The following ODAD1 variants were observed in gnomAD, a reference collection of about 807,000 sequenced individuals.
The protein encoded by ODAD1 is outer dynein arm-docking complex subunit 1.
Under a neutral mutation model 67.2 loss-of-function variants are expected in ODAD1, and 49 were observed. The observed-to-expected ratio is 0.73, with a 90% CI of 0.58 to 0.92. The LOEUF is 0.92. Ranked by LOEUF, ODAD1 falls within the 40% of genes least tolerant of loss-of-function variation. The pLI, the probability that ODAD1 is intolerant of heterozygous loss-of-function variation, is 0.00. For synonymous variants in ODAD1, 345 were observed against 393.7 expected, an observed-to-expected ratio of 0.88 and a Z score of 1.46; for missense variants, 897 against 953.7, an observed-to-expected ratio of 0.94 and a Z score of 0.78.
intron 7 of ODAD1, among the ~76,000 whole-genome samples, chr19:48,307,913 C>G (rs896338086): frequency 6.6e-6 from 1 of 151,722 alleles, no homozygotes; most frequent in Non-Finnish European, 1.5e-5. Flanking sequence ...AAATGGCCAA[C>G]CCCAGGGATG....
At position 48,303,432 on chromosome 19, in the gene ODAD1, G is replaced by A. The variant is rs959894235; in HGVS notation, c.988+218C>T. 8.2e-6 allele frequency: 5 copies of A among 611,004 alleles called. No individual in the cohort carries two copies. The Admixed American group carries it at 1.2e-4, about 14-fold the overall frequency. 37.8% of individuals were successfully genotyped at this position (611,004 alleles called of 1,614,324 possible). ...CAGGGTTGAGGGAAGGATGTGGAGA[G>A]TGACCCCAGGCCCAGGAGTTAGGAG... On this transcript the variant is annotated intron_variant, in intron 10 of 15. Coordinates refer to ENST00000674294, the MANE Select transcript of ODAD1 (RefSeq NM_001364171.2).
intron 7 of ODAD1, 32 bp downstream of exon 7, chr19:48,311,519 CCT>C (rs1968761998): frequency 7.8e-7 from 1 of 1,274,204 alleles, no homozygotes; most frequent in Non-Finnish European, 1.1e-6. Context: ...CGCAGGGGTC[CCT>C]GTCTCCTCCC....
chr19:48,316,989 C>T (rs533251431), intron 5 of ODAD1, among the ~76,000 whole-genome samples: 17 of 152,008 alleles, frequency 1.1e-4, no homozygotes, highest in Admixed American at 2.0e-4. Context: ...GGTGACAGAG[C>T]GAGACTTTGT....
chr19:48,312,066 G>T lies in ODAD1; in HGVS notation c.411C>A (p.Ser137=), dbSNP rs976379068. 1 of 1,549,564 alleles carries T rather than the reference G, an allele frequency of 6.5e-7. No individual in the cohort carries two copies. The highest frequency in any genetic ancestry group is 8.7e-7 in the Non-Finnish European group (1 of 1,144,776). Residue 137 remains serine, a synonymous_variant, in exon 6 of 16, where the codon TCC becomes TCA. Coordinates refer to ENST00000674294, the MANE Select transcript of ODAD1 (RefSeq NM_001364171.2). ...CCTTCTGATCCAGGATGAATCCCGG[G>T]GACCTGACATTCTTACTGTGGGTAA... ...RIFTHSKNVR[S]PGFILDQKVK...
chr19:48,318,034 A>G (rs1968944121), intron 5 of ODAD1, among the ~76,000 whole-genome samples: 1 of 150,874 alleles, frequency 6.6e-6, no homozygotes, highest in African/African-American at 2.4e-5. Context: ...GATTGTGCCA[A>G]TGCACTCCAG....
In ODAD1 at chr19:48,313,446, AC is replaced by A. The variant is rs1260154856; in HGVS notation, c.361-1331del. On this transcript the variant is annotated intron_variant, in intron 5 of 15. Coordinates refer to ENST00000674294, the MANE Select transcript of ODAD1 (RefSeq NM_001364171.2). ...CATCTCAAAAAAAAAAAAAAAAAAA[AC>A]CAAAAAAAAACCTCACATGTTGAAG... Among the ~76,000 whole-genome samples the A allele has an allele frequency of 9.1e-3, 731 of 80,418 alleles. 62 individuals carry two copies. Among genetic ancestry groups the A allele is most frequent in the African/African-American group, 0.029 (619 of 20,986 alleles). The allele number at this position is 80,418 out of a possible 152,430, so 52.8% of individuals were successfully genotyped here.
rs1419106116 is a variant in ODAD1, at chr19:48,296,868, C to A, written c.*108G>T. Reference sequence around the variant, plus strand: ...GAAGGGGCAAAAAGACAGAGGCCTGCCACTGGGAGAAAAAGACAGAGACCC... The same window carrying A: ...GAAGGGGCAAAAAGACAGAGGCCTGACACTGGGAGAAAAAGACAGAGACCC... On this transcript the variant is annotated 3_prime_UTR_variant, in exon 16 of 16. Coordinates refer to ENST00000674294, the MANE Select transcript of ODAD1 (RefSeq NM_001364171.2). The A allele has an allele frequency of 7.0e-7, 1 of 1,437,142 alleles. No individual in the cohort carries two copies. The highest frequency in any genetic ancestry group is 9.1e-7 in the Non-Finnish European group (1 of 1,101,936). The allele number at this position is 1,437,142 out of a possible 1,614,324, so 89.0% of individuals were successfully genotyped here. A position where few individuals can be genotyped will look rare whatever the true frequency, so the allele number is the denominator to read the frequency against.
In ODAD1 at chr19:48,304,024, T is replaced by G. The variant is rs142846668; in HGVS notation, c.782A>C (p.His261Pro). 52 of 1,614,088 alleles carry G rather than the reference T, an allele frequency of 3.2e-5. No homozygotes were observed. The highest frequency in any genetic ancestry group is 4.3e-5 in the Non-Finnish European group (51 of 1,180,040). The change falls in exon 9 of 16, where the codon CAC becomes CCC. Residue 261 changes from histidine to proline, a missense_variant. Coordinates refer to ENST00000674294, the MANE Select transcript of ODAD1 (RefSeq NM_001364171.2). ...GTTGTTCTTGAGCTTGAGGAAGTGG[T>G]GCAGCTGCTCCAGGTGCAAGATCTG... is the stretch of plus-strand genomic sequence containing the variant. ...QRQILHLEQL[H>P]HFLKLKNNDR...
In ODAD1 at chr19:48,297,570, C is replaced by A. The variant is rs1418690778; in HGVS notation, c.1581+20G>T. 1.9e-6 allele frequency: 3 copies of A among 1,573,918 alleles called. No homozygotes were observed. The highest frequency in any genetic ancestry group is 1.4e-5 in the African/African-American group (1 of 73,316). Reference sequence around the variant, plus strand: ...ACACACACTGAGGCCTGGCCCCACCCCCGCAGGCCCCACTCTCACCAGCTT... The same window carrying A: ...ACACACACTGAGGCCTGGCCCCACCACCGCAGGCCCCACTCTCACCAGCTT... On this transcript the variant is annotated intron_variant, in intron 15 of 15. Coordinates refer to ENST00000674294, the MANE Select transcript of ODAD1 (RefSeq NM_001364171.2).
chr19:48,303,467 A>G, intron 10 of ODAD1, 183 bp downstream of exon 10: 1 of 654,162 alleles, frequency 1.5e-6, no homozygotes, highest in South Asian at 1.9e-5. Context: ...GGGGGTGGGG[A>G]GGGGCAGAGA....
chr19:48,304,233 G>C, intron 8 of ODAD1, 93 bp from the exon 9 acceptor site: 1 of 1,304,486 alleles, frequency 7.7e-7, no homozygotes, highest in South Asian at 1.5e-5. Context: ...GAGGTTGTGG[G>C]GGGTGAGGTG....
chr19:48,303,488 G>T, intron 10 of ODAD1, 162 bp downstream of exon 10: 1 of 807,352 alleles, frequency 1.2e-6, no homozygotes, highest in Non-Finnish European at 2.0e-6. Flanking sequence ...CAGGGCCACG[G>T]TAAGACGCCA....
At chr19:48,303,554 A>T in intron 10 of ODAD1, 96 bp downstream of exon 10, 2 of 1,461,842 alleles carry the variant, frequency 1.4e-6, no homozygotes, top group Non-Finnish European at 1.9e-6. Flanking sequence ...GCACAGATGG[A>T]GGAGTTCCCC....
intron 12 of ODAD1, among the ~76,000 whole-genome samples, chr19:48,299,901 A>G (rs1182644855): frequency 1.3e-5 from 2 of 150,816 alleles, no homozygotes; most frequent in East Asian, 3.9e-4. Context: ...CTCAGCCAGG[A>G]GTGGTGGCTC....
In ODAD1 at chr19:48,303,776, C is replaced by T. The variant is rs1198569737; in HGVS notation, c.862G>A (p.Val288Met). ...GAGGTCTTCCAGACGCCCTCGGCCACCTCCCCGGCTAGGGGAAGAGAGAAC... is the reference window on the plus strand; with the variant it reads ...GAGGTCTTCCAGACGCCCTCGGCCATCTCCCCGGCTAGGGGAAGAGAGAAC... Reference protein sequence around the residue: ...LEKREKQAGEVAEGVWKTSQE... With the variant: ...LEKREKQAGEMAEGVWKTSQE... Residue 288 changes from valine (V) to methionine (M), a missense_variant, in exon 10 of 16, where the codon GTG becomes ATG. By Grantham distance (21) the Val-to-Met change is conservative. Transcript: ENST00000674294. 1 of 1,608,956 alleles carries T rather than the reference C, an allele frequency of 6.2e-7. No individual in the cohort carries two copies. Among genetic ancestry groups the T allele is most frequent in the East Asian group, 2.2e-5 (1 of 44,890 alleles).
At chr19:48,300,573 C>A (rs778537245) in intron 12 of ODAD1, among the ~76,000 whole-genome samples, 1 of 151,762 alleles carries the variant, frequency 6.6e-6, no homozygotes, top group Non-Finnish European at 1.5e-5. Context: ...CAGTTCATCA[C>A]CAAAAAAAAT....
rs771776922 is a variant in ODAD1 at position 48,320,402 on chromosome 19, G to A, written c.-23-11C>T. The A allele has an allele frequency of 1.5e-4, 193 of 1,278,676 alleles. No individual in the cohort carries two copies. Among genetic ancestry groups the A allele is most frequent in the Non-Finnish European group, 1.4e-4 (133 of 981,598 alleles). The allele number at this position is 1,278,676 out of a possible 1,614,324, so 79.2% of individuals were successfully genotyped here. A position where few individuals can be genotyped will look rare whatever the true frequency, so the allele number is the denominator to read the frequency against. On this transcript the variant is annotated splice_polypyrimidine_tract_variant and intron_variant, in intron 2 of 15. Coordinates refer to ENST00000674294, the MANE Select transcript of ODAD1 (RefSeq NM_001364171.2). ...AACAGGGTGGGGCTCCTGTAGGGATGGACATATAAGACCCTTCAGACAGCA... is the reference window on the plus strand; with the variant it reads ...AACAGGGTGGGGCTCCTGTAGGGATAGACATATAAGACCCTTCAGACAGCA...
Position 48,296,531 on chromosome 19 carries a change from T to C in ODAD1, c.*445A>G, listed in dbSNP as rs576317113. ...TGAACCTGGCGTCTTCGCCCTGACT[T>C]TTCCCACACCTGTCAGCACTGGGGG... On this transcript the variant is annotated 3_prime_UTR_variant, in exon 16 of 16. Coordinates refer to ENST00000674294, the MANE Select transcript of ODAD1 (RefSeq NM_001364171.2). 1.9e-4 allele frequency: 31 copies of C among 163,654 alleles called. No homozygotes were observed. The highest frequency in any genetic ancestry group is 3.8e-4 in the Admixed American group (6 of 15,926). 10.1% of individuals were successfully genotyped at this position (163,654 alleles called of 1,614,324 possible).
In ODAD1 at chr19:48,306,349, G is replaced by A. The variant is rs757562950; in HGVS notation, c.598-26C>T. On this transcript the variant is annotated intron_variant, in intron 7 of 15. Coordinates refer to ENST00000674294, the MANE Select transcript of ODAD1 (RefSeq NM_001364171.2). The stretch of plus-strand genomic sequence containing the variant: ...CTGTGGGGGGAGGAGAAAAAAATCA[G>A]TGCCACTTCTTACAACCCCATTGCT... 1.4e-5 allele frequency: 22 copies of A among 1,542,258 alleles called. No homozygotes were observed. In the South Asian group the frequency reaches 2.6e-4, roughly 18 times the overall value.
Sources: gnomAD v4.1 joint callset for allele counts (sites outside exome capture counted in the v4.1 genomes callset) on GRCh38, gnomAD v4.1.1 for gene constraint, MANE v1.5 for transcripts, NCBI Gene and HGNC (gene_info 2026-07-23, HGNC 2026-07-21) for gene names.